C4orf50: variants seen among roughly 807,000 people sequenced by gnomAD.
C4orf50 encodes uncharacterized protein C4orf50.
Under a neutral mutation model 77.2 loss-of-function variants are expected in C4orf50, and 80 were observed. The ratio of observed to expected loss-of-function variants is 1.04; its 90% CI spans 0.87 to 1.25. The LOEUF (loss-of-function observed/expected upper bound fraction) is 1.25, where lower values mean the gene tolerates loss of function less well. Among genes scored for constraint, C4orf50 ranks in the 50% most tolerant of loss-of-function variants. The pLI is 0.00. For synonymous variants in C4orf50, 532 were observed against 465.3 expected (o/e 1.14, Z -1.84); for missense variants, 1,257 against 1,152.9 (o/e 1.09, Z -1.31).
intron 7 of C4orf50, among the ~76,000 whole-genome samples, chr4:5,912,873 G>C (rs1386935513): frequency 6.6e-6 from 1 of 152,182 alleles, no homozygotes; most frequent in Non-Finnish European, 1.5e-5. Context: ...TGACACCTGG[G>C]CCTGGGATGA....
chr4:5,984,482 T>C (rs1443118653), intron 28 of C4orf50, among the ~76,000 whole-genome samples: 1 of 151,996 alleles, frequency 6.6e-6, no homozygotes, highest in East Asian at 1.9e-4. Context: ...ATAAAGAAAA[T>C]GGATGTACAG....
intron 7 of C4orf50, among the ~76,000 whole-genome samples, chr4:5,926,575 T>A (rs1404080774): frequency 6.6e-6 from 1 of 152,160 alleles, no homozygotes; most frequent in Non-Finnish European, 1.5e-5. Flanking sequence ...TTGTGCACTT[T>A]AACGTGGCTC....
intron 7 of C4orf50, among the ~76,000 whole-genome samples, chr4:5,934,606 A>T (rs1292891962): frequency 6.6e-6 from 1 of 151,980 alleles, no homozygotes; most frequent in Non-Finnish European, 1.5e-5. Flanking sequence ...CTCAGCTCCA[A>T]ACCACCTGCC....
At chr4:5,946,428 TA>T (rs1230981291) in intron 7 of C4orf50, among the ~76,000 whole-genome samples, 3 of 141,670 alleles carry the variant, frequency 2.1e-5, no homozygotes, top group Non-Finnish European at 4.8e-5. Context: ...CGTTAAAGAA[TA>T]AATCGTAAGT....
intron 7 of C4orf50, among the ~76,000 whole-genome samples, chr4:5,944,764 G>A (rs558791172): frequency 5.2e-4 from 79 of 152,270 alleles, no homozygotes; most frequent in African/African-American, 1.8e-3. Context: ...AGCTGGGACA[G>A]GGCTCAGCGG....
rs1722321090 is a variant in C4orf50 at position 6,008,125 on chromosome 4, C to T, written c.834G>A (p.Leu278=). 3 of 398,930 alleles carry T rather than the reference C, an allele frequency of 7.5e-6. No individual in the cohort carries two copies. Among genetic ancestry groups the T allele is most frequent in the Non-Finnish European group, 1.3e-5 (3 of 226,080 alleles). 24.7% of individuals were successfully genotyped at this position (398,930 alleles called of 1,614,324 possible). ...GCTTCAGCCCATAGATGCAGCAGCGCAGCTCCTCCAGCTGCCCGCGGAGCT... is the reference window on the plus strand; with the variant it reads ...GCTTCAGCCCATAGATGCAGCAGCGTAGCTCCTCCAGCTGCCCGCGGAGCT... Residue 278 remains leucine, a synonymous_variant, in exon 25 of 34, where the codon CTG becomes CTA. Transcript: ENST00000531445. The surrounding 1 kb of genome is among the most constrained non-coding windows in gnomAD (Gnocchi z 6.0).
chr4:5,962,250 AT>A (rs1401222573), intron 33 of C4orf50, among the ~76,000 whole-genome samples: 1 of 152,242 alleles, frequency 6.6e-6, no homozygotes, highest in African/African-American at 2.4e-5. Flanking sequence ...ACATTCTGCC[AT>A]CTTGCTGCAA....
chr4:6,016,478 G>A (rs1321431107), intron 23 of C4orf50, among the ~76,000 whole-genome samples: 1 of 152,190 alleles, frequency 6.6e-6, no homozygotes, highest in Admixed American at 6.5e-5. Context: ...AAACCCAGGA[G>A]GTGGGGTTTG....
intron 7 of C4orf50, among the ~76,000 whole-genome samples, chr4:5,936,403 A>G (rs991725303): frequency 2.6e-5 from 4 of 152,008 alleles, no homozygotes; most frequent in African/African-American, 9.7e-5. Flanking sequence ...CTCTACTGCA[A>G]ATACAAAAAT....
chr4:5,957,096 G>C (rs541125438), downstream of C4orf50: 1 of 152,298 alleles, frequency 6.6e-6, no homozygotes, highest in Non-Finnish European at 1.5e-5. Flanking sequence ...TCATGGCCCG[G>C]GAGAATAAGT....
intron 7 of C4orf50, among the ~76,000 whole-genome samples, chr4:5,909,209 C>G (rs1232356517): frequency 2.0e-5 from 3 of 152,282 alleles, no homozygotes; most frequent in Middle Eastern, 3.4e-3. Flanking sequence ...AATTCAAACC[C>G]TTCTACGTCA....
intron 7 of C4orf50, among the ~76,000 whole-genome samples, chr4:5,936,081 G>A (rs1717999455): frequency 6.6e-6 from 1 of 152,098 alleles, no homozygotes; most frequent in Non-Finnish European, 1.5e-5. Flanking sequence ...TGGTAGGTAG[G>A]TGGAAGGAAC....
intron 30 of C4orf50, among the ~76,000 whole-genome samples, chr4:5,974,423 A>T (rs1228765376): frequency 2.7e-5 from 4 of 147,534 alleles, no homozygotes; most frequent in Admixed American, 6.9e-5. Flanking sequence ...CGCGGCAGGA[A>T]TTATGACGAT....
chr4:5,905,506 G>T lies in C4orf50; in HGVS notation c.*2475-7318C>A, dbSNP rs1716507923. 6.6e-6 allele frequency: 1 copy of T among 152,186 alleles called. No individual in the cohort carries two copies. Among genetic ancestry groups the T allele is most frequent in the African/African-American group, 2.4e-5 (1 of 41,430 alleles). 9.4% of individuals were successfully genotyped at this position (152,186 alleles called of 1,614,324 possible). ...TAAAGGGAACATAGCAACCAGTGTG[G>T]CTTCTACATGAAGCCATCCACATGC... is the stretch of plus-strand genomic sequence containing the variant. On this transcript the variant is annotated intron_variant, in intron 7 of 7. Coordinates refer to the C4orf50 transcript ENST00000324058. The surrounding 1 kb of genome is among the most constrained non-coding windows in gnomAD (Gnocchi z 5.4).
chr4:5,972,807 G>A (rs998856937), intron 31 of C4orf50, among the ~76,000 whole-genome samples: 5 of 152,226 alleles, frequency 3.3e-5, no homozygotes, highest in African/African-American at 1.2e-4. Context: ...CGGGGGCGTT[G>A]CTGGCTTGTC....
chr4:5,919,327 G>A lies in C4orf50; in HGVS notation c.*2475-21139C>T, dbSNP rs1259397035. Among the ~76,000 whole-genome samples, 1 of 151,812 alleles carries A rather than the reference G, an allele frequency of 6.6e-6. No homozygotes were observed. Among genetic ancestry groups the A allele is most frequent in the Non-Finnish European group, 1.5e-5 (1 of 67,994 alleles). On this transcript the variant is annotated intron_variant, in intron 7 of 7. Transcript: ENST00000324058. This position sits in a 1 kb window ranked among gnomAD's most constrained non-coding sequence, Gnocchi z 6.5. ...AGCTCAGGAAGGTTCTAGAAGTCTG[G>A]ATGAACTGGCGTGGAGTGTGTATCA...
chr4:5,986,175 A>G (rs1720842337), intron 28 of C4orf50, among the ~76,000 whole-genome samples: 1 of 152,238 alleles, frequency 6.6e-6, no homozygotes, highest in African/African-American at 2.4e-5. Context: ...TAATTGATAT[A>G]CAACAATCAA....
At chr4:5,964,571 C>G (rs554652076) in intron 33 of C4orf50, among the ~76,000 whole-genome samples, 215 of 152,026 alleles carry the variant, frequency 1.4e-3, no homozygotes, top group Non-Finnish European at 2.6e-3. Context: ...AGTTCGAGAC[C>G]AGCCTGGCCA....
At chr4:5,946,296 C>T (rs1378931518) in intron 7 of C4orf50, among the ~76,000 whole-genome samples, 1 of 152,188 alleles carries the variant, frequency 6.6e-6, no homozygotes, top group Non-Finnish European at 1.5e-5. Flanking sequence ...AAAGGACTGG[C>T]AGGAGGGTTT....
Sources: allele counts gnomAD v4.1 joint callset (sites outside exome capture counted in the v4.1 genomes callset), GRCh38; gene constraint gnomAD v4.1.1; non-coding constraint Gnocchi (gnomAD v3.1); transcripts MANE v1.5; gene names NCBI Gene and HGNC (gene_info 2026-07-23, HGNC 2026-07-21).